DNMT3A: variants seen among roughly 807,000 people sequenced by gnomAD.
DNMT3A encodes DNA (cytosine-5)-methyltransferase 3A.
Under a neutral mutation model 117.6 loss-of-function variants are expected in DNMT3A, and 267 were observed. That is an observed-to-expected ratio of 2.27 (90% CI 2.05 to 2.51). DNMT3A has a LOEUF of 2.51. Ranked by LOEUF, DNMT3A falls within the 30% of genes most tolerant of loss-of-function variation. DNMT3A has a pLI of 0.00. For synonymous variants in DNMT3A, 432 were observed against 474.8 expected (o/e 0.91, Z 1.17); for missense variants, 1,029 against 1,260.2 (o/e 0.82, Z 2.78).
intron 1 of DNMT3A, among the ~76,000 whole-genome samples, chr2:25,338,162 T>G (rs2149454030): frequency 6.6e-6 from 1 of 152,232 alleles, no homozygotes; most frequent in Non-Finnish European, 1.5e-5. Context: ...GACTGGCACG[T>G]GAATGGCCCT....
intron 3 of DNMT3A, among the ~76,000 whole-genome samples, chr2:25,292,645 G>A (rs1243611483): frequency 6.6e-6 from 1 of 152,196 alleles, no homozygotes; most frequent in Non-Finnish European, 1.5e-5. Flanking sequence ...TGTCTCTGCA[G>A]ACTGGGGAGT....
chr2:25,248,286 C>A, intron 6 of DNMT3A, 34 bp from the exon 7 acceptor site: 1 of 1,607,418 alleles, frequency 6.2e-7, no homozygotes, highest in Non-Finnish European at 8.5e-7. Flanking sequence ...TCACCTTGAC[C>A]TCTCCAGGAA....
chr2:25,273,785 A>G (rs186851240), intron 6 of DNMT3A, among the ~76,000 whole-genome samples: 1 of 152,248 alleles, frequency 6.6e-6, no homozygotes, highest in African/African-American at 2.4e-5. Flanking sequence ...CGCCATGGGC[A>G]TGTCTCAGTG....
rs546926931 is a variant in DNMT3A, at chr2:25,282,748, G to A, written c.178-37C>T. The A allele has an allele frequency of 3.3e-6, 5 of 1,504,498 alleles. No homozygotes were observed. 93.2% of individuals were successfully genotyped at this position (1,504,498 alleles called of 1,614,324 possible). On this transcript the variant is annotated intron_variant, in intron 3 of 22. Transcript: ENST00000321117. This position sits in a 1 kb window ranked among gnomAD's most constrained non-coding sequence, Gnocchi z 5.2. The stretch of plus-strand genomic sequence containing the variant: ...AGAAAGATACACAAGAGGAGGGTTA[G>A]ATCAGTGGGCTTAGCCTGTTTTGGA...
chr2:25,338,086 G>T (rs909190722), intron 1 of DNMT3A, among the ~76,000 whole-genome samples: 6 of 152,210 alleles, frequency 3.9e-5, no homozygotes, highest in Admixed American at 1.3e-4. Context: ...GAGGATACGA[G>T]CACCAAGTCC....
chr2:25,324,043 G>A (rs535899737), intron 1 of DNMT3A, among the ~76,000 whole-genome samples: 1 of 152,250 alleles, frequency 6.6e-6, no homozygotes, highest in Admixed American at 6.5e-5. Context: ...CTTTGGGCAC[G>A]GACTGGCCAG....
chr2:25,279,172 G>A (rs755389500), intron 4 of DNMT3A, among the ~76,000 whole-genome samples: 2 of 152,150 alleles, frequency 1.3e-5, no homozygotes, highest in Non-Finnish European at 2.9e-5. Flanking sequence ...CAGGCCTGTC[G>A]GGTGTTGGCT....
intron 6 of DNMT3A, among the ~76,000 whole-genome samples, chr2:25,271,464 C>A (rs1211059042): frequency 6.6e-6 from 1 of 152,256 alleles, no homozygotes; most frequent in African/African-American, 2.4e-5. Flanking sequence ...TTGATACCTG[C>A]ATCTAGCCCC....
At chr2:25,325,338 G>A (rs1002740785) in intron 1 of DNMT3A, among the ~76,000 whole-genome samples, 2 of 152,206 alleles carry the variant, frequency 1.3e-5, no homozygotes, top group African/African-American at 4.8e-5. Flanking sequence ...GGCACAGGGT[G>A]GCACAGAGTC....
At chr2:25,258,861 G>T (rs960754456) in intron 6 of DNMT3A, among the ~76,000 whole-genome samples, 1 of 152,202 alleles carries the variant, frequency 6.6e-6, no homozygotes. Context: ...CACAGCCTTA[G>T]GGTATCTGTT....
Position 25,298,900 on chromosome 2 carries a change from A to G in DNMT3A, c.177+1239T>C, listed in dbSNP as rs1359916573. The stretch of plus-strand genomic sequence containing the variant: ...CTGGCAGGGGTGCATCTCAGTACAC[A>G]GCAGGTTCCCACACCCCCCACCTCC... On this transcript the variant is annotated intron_variant, in intron 3 of 22. Coordinates refer to ENST00000321117, the MANE Select transcript of DNMT3A (RefSeq NM_022552.5). The surrounding 1 kb of genome is among the most constrained non-coding windows in gnomAD (Gnocchi z 4.3). 6.6e-6 allele frequency among the ~76,000 whole-genome samples: 1 copy of G among 151,698 alleles called. No individual in the cohort carries two copies. Among genetic ancestry groups the G allele is most frequent in the African/African-American group, 2.4e-5 (1 of 41,264 alleles).
chr2:25,276,635 CGCCCCGGAG>C (rs1435353547), intron 4 of DNMT3A, among the ~76,000 whole-genome samples: 1 of 152,228 alleles, frequency 6.6e-6, no homozygotes, highest in Non-Finnish European at 1.5e-5. Flanking sequence ...CCAGGCCCAG[CGCCCCGGAG>C]GCTGCGGGGC....
rs932329351 is a variant in DNMT3A at position 25,311,944 on chromosome 2, T to C, written c.72+1969A>G. 6.6e-6 allele frequency among the ~76,000 whole-genome samples: 1 copy of C among 152,110 alleles called. No individual in the cohort carries two copies. The highest frequency in any genetic ancestry group is 1.5e-5 in the Non-Finnish European group (1 of 68,002). ...CTGACCTGCTCCCGTCCATTGGTGG[T>C]GGCCTGGGGCTCCGCAGCCCAGAGC... On this transcript the variant is annotated intron_variant, in intron 2 of 22. Transcript: ENST00000321117. The surrounding 1 kb of genome is among the most constrained non-coding windows in gnomAD (Gnocchi z 5.2).
Position 25,281,992 on chromosome 2 carries a change from A to C in DNMT3A, c.448+449T>G. 1 of 1,099,284 alleles carries C rather than the reference A, an allele frequency of 9.1e-7. No homozygotes were observed. Among genetic ancestry groups the C allele is most frequent in the Non-Finnish European group, 1.1e-6 (1 of 899,680 alleles). 68.1% of individuals were successfully genotyped at this position (1,099,284 alleles called of 1,614,324 possible). ...TGCCCAGGCCAGGGGCTACAAATAC[A>C]GCAACCCCCAGGAACTGCATGGCAC... On this transcript the variant is annotated intron_variant, in intron 4 of 22. Transcript: ENST00000321117. The surrounding 1 kb of genome is among the most constrained non-coding windows in gnomAD (Gnocchi z 4.8).
intron 6 of DNMT3A, among the ~76,000 whole-genome samples, chr2:25,264,853 A>G (rs2149350390): frequency 6.6e-6 from 1 of 152,322 alleles, no homozygotes; most frequent in South Asian, 2.1e-4. Flanking sequence ...TTTAATTTAG[A>G]ATTTATGTAC....
rs201882909 is a variant in DNMT3A at position 25,248,039 on chromosome 2, C to A, written c.853G>T (p.Glu285Ter). The A allele has an allele frequency of 1.9e-6, 3 of 1,611,882 alleles. No individual in the cohort carries two copies. The highest frequency in any genetic ancestry group is 1.7e-5 in the Admixed American group (1 of 59,856). ...CGGCTGGTGAAGAAGCCGCTCACCT[C>A]GTACTCTGGCTCGTCATCGCCTGCT... The part of the protein sequence containing the change: ...TKAGDDEPEY[E>*]DGRGFGIGEL... The change falls in exon 7 of 23, where the codon GAG (glutamate) becomes TAG (stop). Residue 285 changes from glutamate (E) to a stop codon, truncating the protein, a stop_gained and splice_region_variant. Coordinates refer to ENST00000321117, the MANE Select transcript of DNMT3A (RefSeq NM_022552.5). LOFTEE classifies it high-confidence loss of function.
At chr2:25,278,647 G>A (rs1438174700) in intron 4 of DNMT3A, among the ~76,000 whole-genome samples, 2 of 152,178 alleles carry the variant, frequency 1.3e-5, no homozygotes, top group African/African-American at 2.4e-5. Context: ...CCAACATGGC[G>A]AAACCCTGTC....
At chr2:25,274,719 G>A (rs1282049278) in intron 6 of DNMT3A, among the ~76,000 whole-genome samples, 2 of 152,254 alleles carry the variant, frequency 1.3e-5, no homozygotes, top group Admixed American at 6.5e-5. Context: ...AACTCCATGA[G>A]AGCAGGAACC....
At position 25,288,333 on chromosome 2, in the gene DNMT3A, C is replaced by T. The variant is rs575030536; in HGVS notation, c.178-5622G>A. 1.4e-3 allele frequency among the ~76,000 whole-genome samples: 207 copies of T among 152,022 alleles called. 1 individual carries two copies. The highest frequency in any genetic ancestry group is 4.8e-3 in the African/African-American group (199 of 41,524). ...CCTGTAGTCCCAGCTGCTGGGGAGG[C>T]AGCAGGAGAATGGTGTGAACCTAGG... On this transcript the variant is annotated intron_variant, in intron 3 of 22. Transcript: ENST00000321117.
Sources: gnomAD v4.1 joint callset for allele counts (sites outside exome capture counted in the v4.1 genomes callset) on GRCh38, gnomAD v4.1.1 for gene constraint, Gnocchi (gnomAD v3.1) non-coding constraint, MANE v1.5 for transcripts, NCBI Gene and HGNC (gene_info 2026-07-23, HGNC 2026-07-21) for gene names.